TMEM266: variants seen among roughly 807,000 people sequenced by gnomAD.
TMEM266 encodes Hv1 related protein 1.
Under a neutral mutation model 50.5 loss-of-function variants are expected in TMEM266, and 33 were observed. That is an observed-to-expected ratio of 0.65 (90% CI 0.50 to 0.87). TMEM266 has a LOEUF of 0.87. TMEM266 is among the 40% of genes least tolerant of loss of function. The pLI is 0.00. For missense variants in TMEM266, 655 were observed against 695.1 expected, an observed-to-expected ratio of 0.94 and a Z score of 0.65; for synonymous variants, 310 against 292.3, an observed-to-expected ratio of 1.06 and a Z score of -0.62.
At chr15:76,081,525 G>A (rs1184307357) in intron 1 of TMEM266, among the ~76,000 whole-genome samples, 1 of 152,194 alleles carries the variant, frequency 6.6e-6, no homozygotes, top group Non-Finnish European at 1.5e-5. Context: ...AAGCCAATAA[G>A]AAGGGAACCA....
At chr15:76,105,132 GC>G (rs925519413) in intron 1 of TMEM266, among the ~76,000 whole-genome samples, 1 of 152,064 alleles carries the variant, frequency 6.6e-6, no homozygotes, top group Non-Finnish European at 1.5e-5. Context: ...TATAATCCCA[GC>G]TACTCAGGAA....
Position 76,161,229 on chromosome 15 carries a change from G to A in TMEM266, c.456+1061G>A, listed in dbSNP as rs1054884187. 6.6e-6 allele frequency among the ~76,000 whole-genome samples: 1 copy of A among 152,212 alleles called. No individual in the cohort carries two copies. The highest frequency in any genetic ancestry group is 1.5e-5 in the Non-Finnish European group (1 of 68,038). The stretch of plus-strand genomic sequence containing the variant: ...ATGGCTCAGGAAACCCTCAGGGAAA[G>A]GCAGGAACGAGGGAGGCACAGCACC... On this transcript the variant is annotated intron_variant, in intron 5 of 10. Coordinates refer to ENST00000388942, the MANE Select transcript of TMEM266 (RefSeq NM_152335.3). The surrounding 1 kb of genome is among the most constrained non-coding windows in gnomAD (Gnocchi z 4.1).
intron 1 of TMEM266, among the ~76,000 whole-genome samples, chr15:76,118,822 G>C (rs990020033): frequency 6.6e-6 from 1 of 152,220 alleles, no homozygotes; most frequent in African/African-American, 2.4e-5. Flanking sequence ...GTGTCATCAC[G>C]TAGTAGCATC....
chr15:76,119,240 G>A (rs1227588062), intron 1 of TMEM266, among the ~76,000 whole-genome samples: 5 of 151,942 alleles, frequency 3.3e-5, no homozygotes, highest in African/African-American at 1.2e-4. Context: ...GGTCAGGAAC[G>A]CTATCAGATT....
At position 76,204,111 on chromosome 15, in the gene TMEM266, CCGGCCCAGCCCAGCGGGCT is replaced by C. The variant is rs750334662; in HGVS notation, c.1400_1418del (p.Ser467LysfsTer10). 67 of 1,612,914 alleles carry C rather than the reference CCGGCCCAGCCCAGCGGGCT, an allele frequency of 4.2e-5. No individual in the cohort carries two copies. The highest frequency in any genetic ancestry group is 5.4e-5 in the Non-Finnish European group (64 of 1,179,690). On this transcript the variant is annotated frameshift_variant, in exon 11 of 11. Transcript: ENST00000388942. LOFTEE classifies it high-confidence loss of function. ...AGGCCTTGGACCCAGCCCCCCTCGC[CCGGCCCAGCCCAGCGGGCT>C]CGGCCCAAACCAGCCCCGAGCTGGA...
chr15:76,130,888 TGTG>T (rs1265232692), intron 1 of TMEM266, among the ~76,000 whole-genome samples: 1 of 152,226 alleles, frequency 6.6e-6, no homozygotes, highest in Non-Finnish European at 1.5e-5. Flanking sequence ...GCTGTATTAA[TGTG>T]GTAATTAATG....
chr15:76,183,103 CTTTTTTTTTTTTTT>C (rs71140199), intron 8 of TMEM266, among the ~76,000 whole-genome samples: 13 of 44,166 alleles, frequency 2.9e-4, no homozygotes, highest in South Asian at 3.2e-3. Context: ...CATTTTGTGG[CTTTTTTTTTTTTTT>C]TTTTTTTTTT....
In TMEM266 at chr15:76,134,246, T is replaced by C. The variant is rs1182935119; in HGVS notation, c.-18T>C. 1.2e-6 allele frequency: 2 copies of C among 1,613,934 alleles called. No homozygotes were observed. Among genetic ancestry groups the C allele is most frequent in the Non-Finnish European group, 1.7e-6 (2 of 1,179,810 alleles). Reference sequence around the variant, plus strand: ...AGGCTTCAGGACAGCTGAGCCCCACTAAACACCAAGAAAACCCATGGCTGT... The same window carrying C: ...AGGCTTCAGGACAGCTGAGCCCCACCAAACACCAAGAAAACCCATGGCTGT... On this transcript the variant is annotated 5_prime_UTR_variant, in exon 2 of 11. It removes the in-frame stop codon of an upstream open reading frame in the 5' UTR. Coordinates refer to ENST00000388942, the MANE Select transcript of TMEM266 (RefSeq NM_152335.3).
chr15:76,069,001 C>T (rs2036490533), intron 1 of TMEM266, among the ~76,000 whole-genome samples: 1 of 152,194 alleles, frequency 6.6e-6, no homozygotes, highest in South Asian at 2.1e-4. Context: ...ATATGGTCAT[C>T]TTATTTATCA....
intron 1 of TMEM266, among the ~76,000 whole-genome samples, chr15:76,116,261 C>T (rs1167166298): frequency 8.2e-6 from 1 of 121,584 alleles, no homozygotes; most frequent in Non-Finnish European, 1.6e-5. Flanking sequence ...GATCCTGCTC[C>T]CTGTTCCTCC....
chr15:76,182,954 C>T (rs2038438981), intron 8 of TMEM266, among the ~76,000 whole-genome samples: 1 of 152,062 alleles, frequency 6.6e-6, no homozygotes, highest in Non-Finnish European at 1.5e-5. Context: ...GTTGTTGCAT[C>T]CAGCAAATCC....
chr15:76,181,625 C>CT (rs1221001547), intron 8 of TMEM266: 1 of 152,138 alleles, frequency 6.6e-6, no homozygotes, highest in Non-Finnish European at 1.5e-5. Flanking sequence ...GAGTTAGGCT[C>CT]GCTGGTACAC....
rs149576213 is a variant in TMEM266, at chr15:76,097,832, C to G, written c.-96-36336C>G. Among the ~76,000 whole-genome samples, 1,492 of 152,044 alleles carry G rather than the reference C, an allele frequency of 9.8e-3. 18 individuals are homozygous for G. Among genetic ancestry groups the G allele is most frequent in the African/African-American group, 0.034 (1,409 of 41,514 alleles). ...ATTCTTTTTTCTCTAATCTTGTCTTCTCTCTTTATTTCATTAAGTTGATCT... is the reference window on the plus strand; with the variant it reads ...ATTCTTTTTTCTCTAATCTTGTCTTGTCTCTTTATTTCATTAAGTTGATCT... On this transcript the variant is annotated intron_variant, in intron 1 of 10. Transcript: ENST00000388942.
chr15:76,118,388 C>T (rs1409790036), intron 1 of TMEM266, among the ~76,000 whole-genome samples: 1 of 152,126 alleles, frequency 6.6e-6, no homozygotes, highest in African/African-American at 2.4e-5. Context: ...ATGGTAAAAC[C>T]CCGTCTCTAC....
intron 1 of TMEM266, among the ~76,000 whole-genome samples, chr15:76,063,268 G>C (rs1262578908): frequency 1.3e-5 from 2 of 152,138 alleles, no homozygotes; most frequent in African/African-American, 2.4e-5. Flanking sequence ...ATAAGAAGTG[G>C]GGGAGCCCAA....
At chr15:76,177,081 C>T (rs2038295270) in intron 8 of TMEM266, among the ~76,000 whole-genome samples, 7 of 152,146 alleles carry the variant, frequency 4.6e-5, no homozygotes, top group Admixed American at 4.6e-4. Context: ...GCATGTTCCC[C>T]CCGCCAGTAG....
At chr15:76,116,828 T>A (rs1193482630) in intron 1 of TMEM266, among the ~76,000 whole-genome samples, 2 of 152,036 alleles carry the variant, frequency 1.3e-5, no homozygotes, top group Non-Finnish European at 2.9e-5. Flanking sequence ...AAATAGCACA[T>A]CCTCATCTAT....
At chr15:76,150,052 C>T (rs886971216) in intron 3 of TMEM266, among the ~76,000 whole-genome samples, 6 of 152,174 alleles carry the variant, frequency 3.9e-5, no homozygotes, top group Admixed American at 6.5e-5. Context: ...TGGAGCTAGG[C>T]GGGGCCCCAA....
chr15:76,128,423 T>C (rs1274225666), intron 1 of TMEM266, among the ~76,000 whole-genome samples: 1 of 152,222 alleles, frequency 6.6e-6, no homozygotes, highest in African/African-American at 2.4e-5. Context: ...CATAGACTCA[T>C]GACCAACAAG....
Sources: gnomAD v4.1 joint callset for allele counts (sites outside exome capture counted in the v4.1 genomes callset) on GRCh38, gnomAD v4.1.1 for gene constraint, Gnocchi (gnomAD v3.1) non-coding constraint, MANE v1.5 for transcripts, NCBI Gene and HGNC (gene_info 2026-07-23, HGNC 2026-07-21) for gene names.